Variants in SLC39A8 observed in about 807,000 individuals in gnomAD.
SLC39A8 encodes solute carrier family 39 member 8.
A neutral mutation model predicts 40.4 loss-of-function variants in SLC39A8; 15 were observed. The observed-to-expected ratio is 0.37, with a 90% CI of 0.25 to 0.57. The LOEUF (loss-of-function observed/expected upper bound fraction) is 0.57. Among genes scored for constraint, SLC39A8 ranks in the 20% least tolerant of loss-of-function variants. The probability of loss-of-function intolerance (pLI) is 0.75; values close to 1 mark genes in which losing one functional copy is unlikely to be tolerated. For missense variants in SLC39A8, 472 were observed against 558.8 expected, an observed-to-expected ratio of 0.84 and a Z score of 1.57; for synonymous variants, 223 against 221.6, an observed-to-expected ratio of 1.01 and a Z score of -0.06.
intron 2 of SLC39A8, among the ~76,000 whole-genome samples, chr4:102,331,578 C>T (rs888512453): frequency 6.6e-6 from 1 of 152,062 alleles, no homozygotes; most frequent in Non-Finnish European, 1.5e-5. Context: ...ATCATGAAAA[C>T]GGCCATACTG....
chr4:102,279,971 C>T (rs775618184), intron 6 of SLC39A8, among the ~76,000 whole-genome samples: 3 of 152,140 alleles, frequency 2.0e-5, no homozygotes, highest in Non-Finnish European at 4.4e-5. Context: ...CCCCATAAGA[C>T]CTGCAGGCAC....
chr4:102,267,943 C>T lies in SLC39A8; in HGVS notation c.977G>A (p.Cys326Tyr), dbSNP rs1402395958. 11 of 1,614,046 alleles carry T rather than the reference C, an allele frequency of 6.8e-6. No individual in the cohort carries two copies. Among genetic ancestry groups the T allele is most frequent in the Middle Eastern group, 3.3e-4 (2 of 6,084 alleles). The change falls in exon 7 of 9, where the codon TGC (cysteine) becomes TAC (tyrosine). Residue 326 changes from cysteine (C) to tyrosine (Y), a missense_variant. Transcript: ENST00000356736. ...GAGTCCCTGAAGGAGAGACAAGGTG[C>T]AGGAAGCCCCAATCGCCAGGCCATC... is the stretch of plus-strand genomic sequence containing the variant. ...FIDGLAIGAS[C>Y]TLSLLQGLST...
exon 12 of SLC39A8, chr4:102,251,149 A>G (rs1731577048): frequency 6.6e-6 from 1 of 152,246 alleles, no homozygotes; most frequent in Non-Finnish European, 1.5e-5. Flanking sequence ...TATAATGTAT[A>G]GGAATCAGAT....
chr4:102,267,321 G>A lies in SLC39A8; in HGVS notation c.1233+169C>T, dbSNP rs116767419. Among the ~76,000 whole-genome samples, 1,282 of 152,314 alleles carry A rather than the reference G, an allele frequency of 8.4e-3. 7 individuals are homozygous for A. The highest frequency in any genetic ancestry group is 0.013 in the Non-Finnish European group (875 of 68,030). On this transcript the variant is annotated intron_variant, in intron 8 of 8. Transcript: ENST00000356736. Reference sequence around the variant, plus strand: ...GAGGATCAGTTTCAAATTACTATTAGTGTAAACTACTCAAGTAGAATGATC... The same window carrying A: ...GAGGATCAGTTTCAAATTACTATTAATGTAAACTACTCAAGTAGAATGATC...
At chr4:102,335,975 A>G (rs1045902175) in intron 2 of SLC39A8, among the ~76,000 whole-genome samples, 1 of 152,180 alleles carries the variant, frequency 6.6e-6, no homozygotes, top group Non-Finnish European at 1.5e-5. Context: ...GTTAAGGATA[A>G]TGTAGCTATA....
intron 6 of SLC39A8, among the ~76,000 whole-genome samples, chr4:102,279,493 G>A (rs1264693061): frequency 2.6e-5 from 4 of 152,074 alleles, no homozygotes; most frequent in Admixed American, 2.0e-4. Flanking sequence ...AAATAGCAAC[G>A]ATCCCCCAAT....
intron 2 of SLC39A8, among the ~76,000 whole-genome samples, chr4:102,332,254 G>A (rs527248671): frequency 9.2e-5 from 14 of 152,164 alleles, no homozygotes; most frequent in South Asian, 6.2e-4. Flanking sequence ...TGAAAATTTC[G>A]TAATCTATCC....
chr4:102,291,580 T>C lies in SLC39A8; in HGVS notation c.840+12737A>G, dbSNP rs138957146. Among the ~76,000 whole-genome samples the C allele has an allele frequency of 8.9e-4, 136 of 152,162 alleles. 1 individual carries two copies. Among genetic ancestry groups the C allele is most frequent in the African/African-American group, 3.2e-3 (131 of 41,554 alleles). ...ACACCTTCTCAAAGAAGGTCCAATA[T>C]ACTAGGGTCCACAGGGGTTCCTGTA... On this transcript the variant is annotated intron_variant, in intron 6 of 8. Transcript: ENST00000356736.
At chr4:102,312,700 C>T (rs1228624071) in intron 3 of SLC39A8, among the ~76,000 whole-genome samples, 1 of 152,054 alleles carries the variant, frequency 6.6e-6, no homozygotes, top group Non-Finnish European at 1.5e-5. Context: ...ACTAACAGGC[C>T]TACCACAGCA....
At chr4:102,273,743 A>T (rs1256795752) in intron 6 of SLC39A8, among the ~76,000 whole-genome samples, 1 of 152,220 alleles carries the variant, frequency 6.6e-6, no homozygotes, top group African/African-American at 2.4e-5. Context: ...AAGCTTCCAG[A>T]GGAAGGAGCA....
chr4:102,334,782 C>T (rs1735601010), intron 2 of SLC39A8, among the ~76,000 whole-genome samples: 1 of 152,134 alleles, frequency 6.6e-6, no homozygotes, highest in South Asian at 2.1e-4. Context: ...TCCAGTCACC[C>T]TGGAATGGAA....
intron 6 of SLC39A8, among the ~76,000 whole-genome samples, chr4:102,300,568 A>G (rs1351546270): frequency 6.6e-6 from 1 of 152,032 alleles, no homozygotes; most frequent in Non-Finnish European, 1.5e-5. Context: ...TTTACATTCT[A>G]TTGACAGTAA....
intron 6 of SLC39A8, 97 bp downstream of exon 6, chr4:102,304,220 C>T: frequency 2.3e-6 from 2 of 888,420 alleles, no homozygotes; most frequent in Non-Finnish European, 3.4e-6. Flanking sequence ...GTCTGACATA[C>T]ATAAATGTAC....
chr4:102,343,069 A>C (rs779316859), intron 2 of SLC39A8, among the ~76,000 whole-genome samples: 3 of 152,068 alleles, frequency 2.0e-5, no homozygotes, highest in Non-Finnish European at 2.9e-5. Flanking sequence ...GGGCATTTCC[A>C]TTTTTCCAAC....
chr4:102,284,748 A>C (rs1057409536), intron 6 of SLC39A8, among the ~76,000 whole-genome samples: 5 of 152,160 alleles, frequency 3.3e-5, no homozygotes, highest in Non-Finnish European at 7.4e-5. Context: ...ATTTTTGCAA[A>C]AGTGATGTTT....
chr4:102,256,484 A>T (rs1432560621), intron 11 of SLC39A8, among the ~76,000 whole-genome samples: 1 of 152,206 alleles, frequency 6.6e-6, no homozygotes, highest in East Asian at 1.9e-4. Flanking sequence ...TAGTCAAAAG[A>T]TTCTTATCTG....
At chr4:102,265,044 C>T (rs1236236250) in intron 8 of SLC39A8, among the ~76,000 whole-genome samples, 1 of 152,164 alleles carries the variant, frequency 6.6e-6, no homozygotes, top group Non-Finnish European at 1.5e-5. Context: ...ATTGGAGTAG[C>T]CCTTTTAATT....
Position 102,320,180 on chromosome 4 carries a change from T to C in SLC39A8, c.220-4350A>G, listed in dbSNP as rs1260389733. Among the ~76,000 whole-genome samples the C allele has an allele frequency of 2.8e-4, 28 of 98,662 alleles. No individual in the cohort carries two copies. In the Middle Eastern group the frequency reaches 0.018, roughly 64 times the overall value. 64.7% of individuals were successfully genotyped at this position (98,662 alleles called of 152,430 possible). ...TCATATATATATACATATATATATA[T>C]ATATATATATGTATATATATATGTA... On this transcript the variant is annotated intron_variant, in intron 2 of 8. Transcript: ENST00000356736.
intron 2 of SLC39A8, among the ~76,000 whole-genome samples, chr4:102,340,531 T>C (rs929649153): frequency 1.3e-5 from 2 of 152,154 alleles, no homozygotes; most frequent in Admixed American, 6.5e-5. Flanking sequence ...AGATTGGAAC[T>C]GTGACAAAGG....
Sources: allele counts gnomAD v4.1 joint callset (sites outside exome capture counted in the v4.1 genomes callset), GRCh38; gene constraint gnomAD v4.1.1; transcripts MANE v1.5; gene names NCBI Gene and HGNC (gene_info 2026-07-23, HGNC 2026-07-21).